GABRB1: variants seen among roughly 807,000 people sequenced by gnomAD.
GABRB1 encodes gamma-aminobutyric acid type A receptor subunit beta1.
GABRB1 carries 17 observed loss-of-function variants against 51.6 expected under a neutral mutation model. That is an observed-to-expected ratio of 0.33 (90% CI 0.23 to 0.49). GABRB1 has a LOEUF of 0.49. GABRB1 is among the 20% of genes least tolerant of loss of function. The pLI is 0.99. For synonymous variants in GABRB1, 247 were observed against 218.9 expected (o/e 1.13, Z -1.14); for missense variants, 410 against 600.6 (o/e 0.68, Z 3.32).
intron 5 of GABRB1, among the ~76,000 whole-genome samples, chr4:47,322,228 G>A (rs1725110131): frequency 1.3e-5 from 2 of 152,174 alleles, no homozygotes; most frequent in Non-Finnish European, 2.9e-5. Flanking sequence ...CATTGAGGCA[G>A]TTTAGCAAGA....
intron 4 of GABRB1, among the ~76,000 whole-genome samples, chr4:47,231,826 T>C (rs1452622427): frequency 6.6e-6 from 1 of 151,368 alleles, no homozygotes; most frequent in Non-Finnish European, 1.5e-5. Flanking sequence ...TTAAAATATT[T>C]TGGTATTTTA....
At chr4:47,357,813 C>T (rs952989803) in intron 5 of GABRB1, among the ~76,000 whole-genome samples, 1 of 152,188 alleles carries the variant, frequency 6.6e-6, no homozygotes, top group African/African-American at 2.4e-5. Flanking sequence ...CTGATGTTCT[C>T]AGTGATTCTG....
intron 4 of GABRB1, among the ~76,000 whole-genome samples, chr4:47,311,820 C>G (rs1256046736): frequency 1.3e-5 from 2 of 152,130 alleles, no homozygotes; most frequent in Non-Finnish European, 2.9e-5. Flanking sequence ...AACTCTGCCT[C>G]TTTAGATCTA....
At chr4:47,391,091 G>A (rs1727974867) in intron 5 of GABRB1, among the ~76,000 whole-genome samples, 1 of 152,102 alleles carries the variant, frequency 6.6e-6, no homozygotes, top group African/African-American at 2.4e-5. Context: ...CAGGAGAATT[G>A]CTTGAACATG....
chr4:47,306,077 A>G (rs760252856), intron 4 of GABRB1, among the ~76,000 whole-genome samples: 3 of 152,090 alleles, frequency 2.0e-5, no homozygotes, highest in Non-Finnish European at 4.4e-5. Context: ...AGGATATCAA[A>G]CTGGAAAGTA....
At chr4:47,037,528 G>A (rs1397723825) in intron 3 of GABRB1, among the ~76,000 whole-genome samples, 3 of 136,062 alleles carry the variant, frequency 2.2e-5, no homozygotes, top group South Asian at 2.5e-4. Context: ...ATATATATTC[G>A]TTTTTTTTTG....
At chr4:47,268,193 A>G (rs1722715063) in intron 4 of GABRB1, among the ~76,000 whole-genome samples, 1 of 152,188 alleles carries the variant, frequency 6.6e-6, no homozygotes, top group Non-Finnish European at 1.5e-5. Context: ...AAAACTAAAA[A>G]AAATTTACCT....
intron 3 of GABRB1, among the ~76,000 whole-genome samples, chr4:47,056,435 G>A (rs1726608277): frequency 6.6e-6 from 1 of 152,106 alleles, no homozygotes; most frequent in Non-Finnish European, 1.5e-5. Flanking sequence ...GGACTTCTCA[G>A]GTCTTAACAT....
intron 4 of GABRB1, among the ~76,000 whole-genome samples, chr4:47,182,536 C>T (rs1718994784): frequency 6.6e-6 from 1 of 151,914 alleles, no homozygotes; most frequent in African/African-American, 2.4e-5. Flanking sequence ...TCTTATTCCA[C>T]AGCATAGTGA....
chr4:47,352,957 G>A (rs978173686), intron 5 of GABRB1, among the ~76,000 whole-genome samples: 1 of 152,174 alleles, frequency 6.6e-6, no homozygotes, highest in Admixed American at 6.5e-5. Context: ...ACCCAAGACT[G>A]GGAAGACAAA....
intron 4 of GABRB1, among the ~76,000 whole-genome samples, chr4:47,303,229 C>A (rs528047948): frequency 6.6e-6 from 1 of 151,736 alleles, no homozygotes; most frequent in African/African-American, 2.4e-5. Context: ...GAAATCACAG[C>A]CTTCTTGCAG....
chr4:47,105,734 G>A (rs1190686101), intron 3 of GABRB1, among the ~76,000 whole-genome samples: 2 of 152,092 alleles, frequency 1.3e-5, no homozygotes, highest in East Asian at 3.8e-4. Flanking sequence ...TGCAGCAGAT[G>A]CTGTTCCCTC....
At chr4:47,035,765 A>G (rs1024595248) in intron 3 of GABRB1, among the ~76,000 whole-genome samples, 11 of 152,316 alleles carry the variant, frequency 7.2e-5, no homozygotes, top group Admixed American at 6.5e-4. Flanking sequence ...AACATCTGCT[A>G]CTATAAAGCC....
At chr4:47,018,736 T>A (rs1291824786) in intron 1 of GABRB1, among the ~76,000 whole-genome samples, 1 of 152,104 alleles carries the variant, frequency 6.6e-6, no homozygotes, top group Non-Finnish European at 1.5e-5. Context: ...AGAAAATATA[T>A]TTATTATTCA....
intron 4 of GABRB1, among the ~76,000 whole-genome samples, chr4:47,170,418 C>T (rs144718976): frequency 1.3e-3 from 194 of 151,640 alleles, no homozygotes; most frequent in African/African-American, 4.3e-3. Flanking sequence ...CACACACACA[C>T]GCACACACGC....
At chr4:47,273,140 C>T (rs549007375) in intron 4 of GABRB1, among the ~76,000 whole-genome samples, 3 of 152,262 alleles carry the variant, frequency 2.0e-5, no homozygotes, top group African/African-American at 7.2e-5. Flanking sequence ...TAAGAACCTC[C>T]CTGTTTAATA....
At chr4:47,055,839 A>G (rs1024600961) in intron 3 of GABRB1, among the ~76,000 whole-genome samples, 1 of 152,206 alleles carries the variant, frequency 6.6e-6, no homozygotes, top group African/African-American at 2.4e-5. Context: ...GCCTGCTTTC[A>G]AGACTGGACA....
intron 4 of GABRB1, among the ~76,000 whole-genome samples, chr4:47,185,596 C>G (rs190021558): frequency 6.6e-6 from 1 of 151,742 alleles, no homozygotes; most frequent in Non-Finnish European, 1.5e-5. Flanking sequence ...TCAAGCAGAG[C>G]GATGGAATCA....
chr4:47,392,688 T>A (rs1002902558), intron 5 of GABRB1, among the ~76,000 whole-genome samples: 1 of 152,110 alleles, frequency 6.6e-6, no homozygotes, highest in African/African-American at 2.4e-5. Flanking sequence ...CTAGGGGAAG[T>A]ATCTAACATG....
Sources: gnomAD v4.1 joint callset for allele counts (sites outside exome capture counted in the v4.1 genomes callset) on GRCh38, gnomAD v4.1.1 for gene constraint, MANE v1.5 for transcripts, NCBI Gene and HGNC (gene_info 2026-07-23, HGNC 2026-07-21) for gene names.